The following CLTCL1 variants were observed in gnomAD, a reference collection of about 807,000 sequenced individuals.
CLTCL1 encodes clathrin heavy chain like 1, also known as clathrin heavy chain 2.
Under a neutral mutation model 190.0 loss-of-function variants are expected in CLTCL1, and 159 were observed. The observed-to-expected ratio is 0.84, with a 90% CI of 0.74 to 0.95. The LOEUF is 0.95. Ranked by LOEUF, CLTCL1 falls within the 40% of genes least tolerant of loss-of-function variation. The probability of loss-of-function intolerance (pLI) is 0.00; values close to 1 mark genes in which losing one functional copy is unlikely to be tolerated. For missense variants in CLTCL1, 1,878 were observed against 2,033.4 expected, an observed-to-expected ratio of 0.92 and a Z score of 1.47; for synonymous variants, 752 against 769.6, an observed-to-expected ratio of 0.98 and a Z score of 0.38.
At chr22:19,246,600 C>T (rs202111351) in intron 3 of CLTCL1, among the ~76,000 whole-genome samples, 39 of 152,182 alleles carry the variant, frequency 2.6e-4, no homozygotes, top group African/African-American at 7.9e-4. Flanking sequence ...CCTCAGCCTC[C>T]GGAGTAGCTG....
At chr22:19,277,319 G>GA (rs1555983984) in intron 1 of CLTCL1, among the ~76,000 whole-genome samples, 1 of 152,040 alleles carries the variant, frequency 6.6e-6, no homozygotes, top group African/African-American at 2.4e-5. Context: ...TTACACTTGG[G>GA]AAAAACAAAG....
rs2084498893 is a variant in CLTCL1, at chr22:19,191,373, G to A, written c.4254C>T (p.Leu1418=). Residue 1418 remains leucine, a synonymous_variant, in exon 27 of 33, where the codon CTC becomes CTT. Transcript: ENST00000427926. Reference sequence around the variant, plus strand: ...AAAGCACCAGCAGCAGGTCATTGATGAGCAGTGGTTTGTAATCCAAATAGA... The same window carrying A: ...AAAGCACCAGCAGCAGGTCATTGATAAGCAGTGGTTTGTAATCCAAATAGA... ...LQFYLDYKPL[L]INDLLLVLSP... is the part of the protein sequence containing the mutation. The A allele has an allele frequency of 6.2e-7, 1 of 1,614,012 alleles. No individual in the cohort carries two copies. The highest frequency in any genetic ancestry group is 8.5e-7 in the Non-Finnish European group (1 of 1,179,900).
chr22:19,180,169 G>A (rs782185297), intron 32 of CLTCL1, 30 bp downstream of exon 32: 4 of 1,602,906 alleles, frequency 2.5e-6, no homozygotes, highest in Non-Finnish European at 3.4e-6. Context: ...CTGGCTAGAG[G>A]ATAAGCTAGT....
At chr22:19,240,144 T>C (rs143795675) in intron 4 of CLTCL1, among the ~76,000 whole-genome samples, 2,646 of 151,820 alleles carry the variant, frequency 0.017, 75 homozygotes, top group African/African-American at 0.06. Context: ...TTAGTAGAGA[T>C]GGGGTTTCGC....
intron 22 of CLTCL1, among the ~76,000 whole-genome samples, chr22:19,202,243 G>A (rs1411365637): frequency 1.3e-5 from 2 of 152,020 alleles, no homozygotes; most frequent in Non-Finnish European, 1.5e-5. Flanking sequence ...CTAGTTCTCT[G>A]CCCATTCCAT....
chr22:19,183,434 C>T lies in CLTCL1; in HGVS notation c.4783G>A (p.Ala1595Thr). The T allele has an allele frequency of 6.2e-7, 1 of 1,613,598 alleles. No individual in the cohort carries two copies. The highest frequency in any genetic ancestry group is 8.5e-7 in the Non-Finnish European group (1 of 1,179,884). Reference sequence around the variant, plus strand: ...ATCACCTGGATGAAGTAGGGCATGGCCAAGTCCACGAGGTTGTGCCTCCAG... The same window carrying T: ...ATCACCTGGATGAAGTAGGGCATGGTCAAGTCCACGAGGTTGTGCCTCCAG... ...LAWRHNLVDL[A>T]MPYFIQVMRE... The change falls in exon 30 of 33, where the codon GCC (alanine) becomes ACC (threonine). Residue 1595 changes from alanine to threonine, a missense_variant. Transcript: ENST00000427926.
intron 1 of CLTCL1, among the ~76,000 whole-genome samples, chr22:19,276,218 C>T (rs376018262): frequency 6.6e-6 from 1 of 151,744 alleles, no homozygotes; most frequent in Admixed American, 6.6e-5. Context: ...GAGGTGAAGG[C>T]GAGGGAAGTG....
chr22:19,258,981 G>A (rs547984735), intron 2 of CLTCL1, among the ~76,000 whole-genome samples: 1 of 152,092 alleles, frequency 6.6e-6, no homozygotes, highest in African/African-American at 2.4e-5. Flanking sequence ...GAAAAAAAAT[G>A]AATTGGACAG....
chr22:19,278,096 C>T (rs1221390389), intron 1 of CLTCL1, among the ~76,000 whole-genome samples: 1 of 152,158 alleles, frequency 6.6e-6, no homozygotes, highest in Non-Finnish European at 1.5e-5. Context: ...GTGTCCTTGC[C>T]TCTCCCAGCA....
intron 23 of CLTCL1, among the ~76,000 whole-genome samples, chr22:19,201,067 A>T (rs920959582): frequency 6.6e-6 from 1 of 152,250 alleles, no homozygotes; most frequent in African/African-American, 2.4e-5. Flanking sequence ...GACATGATTT[A>T]AAAGTGTTAT....
chr22:19,207,110 G>A (rs782190274), intron 22 of CLTCL1, among the ~76,000 whole-genome samples: 60 of 137,048 alleles, frequency 4.4e-4, no homozygotes, highest in Non-Finnish European at 7.7e-4. Context: ...TCCATCTCCC[G>A]GATTCAAGCG....
At chr22:19,283,380 A>C (rs1371309948) in intron 1 of CLTCL1, among the ~76,000 whole-genome samples, 1 of 151,958 alleles carries the variant, frequency 6.6e-6, no homozygotes, top group African/African-American at 2.4e-5. Flanking sequence ...TCCCACACTC[A>C]ACCGATTCTC....
chr22:19,192,016 C>T (rs2084522950), intron 26 of CLTCL1, among the ~76,000 whole-genome samples: 1 of 151,862 alleles, frequency 6.6e-6, no homozygotes, highest in South Asian at 2.1e-4. Flanking sequence ...TGTCTCTTAG[C>T]ACTTTCCCCA....
intron 1 of CLTCL1, among the ~76,000 whole-genome samples, chr22:19,281,007 T>C (rs1555986316): frequency 6.6e-6 from 1 of 151,118 alleles, no homozygotes; most frequent in East Asian, 2.0e-4. Context: ...AAAAGAGTTG[T>C]GGGCCGGGCG....
chr22:19,249,849 A>T, intron 3 of CLTCL1: 1 of 398,712 alleles, frequency 2.5e-6, no homozygotes, highest in Non-Finnish European at 5.0e-6. Flanking sequence ...ATCAAAGCTG[A>T]TTTTGAAACT....
At chr22:19,183,295 A>G in intron 30 of CLTCL1, 95 bp downstream of exon 30, 1 of 1,118,630 alleles carries the variant, frequency 8.9e-7, no homozygotes, top group Non-Finnish European at 1.3e-6. Context: ...GTTGGCCTCA[A>G]AGGGGCCCAC....
At chr22:19,201,524 A>G (rs1240067371) in intron 22 of CLTCL1, 31 bp from the exon 23 acceptor site, 1 of 1,590,446 alleles carries the variant, frequency 6.3e-7, no homozygotes, top group Non-Finnish European at 8.6e-7. Context: ...CGACTGAGAC[A>G]CTCTTCAATG....
rs2146288684 is a variant in CLTCL1 at position 19,196,626 on chromosome 22, G to T, written c.3904C>A (p.Leu1302Met). 1 of 1,613,482 alleles carries T rather than the reference G, an allele frequency of 6.2e-7. No homozygotes were observed. The highest frequency in any genetic ancestry group is 2.2e-5 in the East Asian group (1 of 44,846). Residue 1302 changes from leucine to methionine, a missense_variant, in exon 25 of 33, where the codon CTG becomes ATG. Leu to Met is a conservative substitution (Grantham distance 15, BLOSUM62 2). Transcript: ENST00000427926. ...TCCAGGCCCAGGGCCGCTTCCAACA[G>T]CAAGATCAGCTCCTCAAAGTAGCCA... is the stretch of plus-strand genomic sequence containing the variant. ...DRGYFEELIL[L>M]LEAALGLERA... is the part of the protein sequence containing the mutation.
At chr22:19,188,153 G>A (rs2084375735) in intron 27 of CLTCL1, 62 bp from the exon 28 acceptor site, 1 of 1,415,458 alleles carries the variant, frequency 7.1e-7, no homozygotes, top group South Asian at 1.2e-5. Context: ...CACTAGGCAG[G>A]GGCACAGGTG....
Sources: gnomAD v4.1 joint callset for allele counts (sites outside exome capture counted in the v4.1 genomes callset) on GRCh38, gnomAD v4.1.1 for gene constraint, MANE v1.5 for transcripts, NCBI Gene and HGNC (gene_info 2026-07-23, HGNC 2026-07-21) for gene names.